NUP42: variants seen among roughly 807,000 people sequenced by gnomAD.
NUP42 encodes the protein nucleoporin 42.
Under a neutral mutation model 35.9 loss-of-function variants are expected in NUP42, and 47 were observed. The observed-to-expected ratio is 1.31, with a 90% confidence interval of 1.04 to 1.67. The LOEUF (loss-of-function observed/expected upper bound fraction) is 1.67. Among genes scored for constraint, NUP42 ranks in the 40% most tolerant of loss-of-function variants. NUP42 has a pLI of 0.00. For missense variants in NUP42, 514 were observed against 492.2 expected, an observed-to-expected ratio of 1.04 and a Z score of -0.42; for synonymous variants, 173 against 173.3, an observed-to-expected ratio of 1.00 and a Z score of 0.01.
At chr7:23,196,875 T>C in intron 5 of NUP42, 109 bp downstream of exon 5, 1 of 723,064 alleles carries the variant, frequency 1.4e-6, no homozygotes. Flanking sequence ...TATCAAGAAT[T>C]ATGATACACA....
rs752409597 is a variant in NUP42 at position 23,200,272 on chromosome 7, A to T, written c.799A>T (p.Ser267Cys). The T allele has an allele frequency of 4.4e-6, 7 of 1,603,146 alleles. No homozygotes were observed. The South Asian group carries it at 7.8e-5, about 18-fold the overall frequency. The part of the protein sequence containing the change: ...ASSGSPAGFG[S>C]SPAFGAAAST... The stretch of plus-strand genomic sequence containing the variant: ...TTCTGGAAGCCCTGCTGGTTTTGGG[A>T]GTTCCCCAGCATTTGGAGCTGCAGC... The change falls in exon 7 of 7, where the codon AGT becomes TGT. Residue 267 changes from serine to cysteine, a missense_variant. Ser to Cys is a moderately radical substitution (Grantham distance 112, BLOSUM62 -1). Transcript: ENST00000258742.
rs771174577 is a variant in NUP42 at position 23,182,194 on chromosome 7, C to A, written c.109C>A (p.Gln37Lys). 1.9e-6 allele frequency: 3 copies of A among 1,610,776 alleles called. No individual in the cohort carries two copies. The highest frequency in any genetic ancestry group is 2.5e-6 in the Non-Finnish European group (3 of 1,178,470). The change falls in exon 1 of 7, where the codon CAG becomes AAG. Residue 37 changes from glutamine to lysine, a missense_variant. Coordinates refer to ENST00000258742, the MANE Select transcript of NUP42 (RefSeq NM_007342.3). ...GAGGGRQQPQ[Q>K]QPSGNNRRGW... is the part of the protein sequence containing the mutation. ...AGGAGGAGGACGGCAGCAACCGCAG[C>A]AGCAGCCTTCAGGTGACTCTCCTCT...
At chr7:23,196,524 A>G (rs1583776850) in intron 4 of NUP42, 156 bp from the exon 5 acceptor site, 1 of 579,964 alleles carries the variant, frequency 1.7e-6, no homozygotes, top group African/African-American at 1.9e-5. Context: ...TCTTTGACAA[A>G]TAGGCCAAGT....
chr7:23,195,362 T>G (rs1728326), intron 3 of NUP42: 14,298 of 152,356 alleles, frequency 0.094, 965 homozygotes, highest in African/African-American at 0.18. Flanking sequence ...TTGATTTTTT[T>G]TGTGTGTGAA....
At chr7:23,198,202 A>ATTTTTTTTTTTTTT (rs1554296929) in intron 5 of NUP42, 2 of 107,180 alleles carry the variant, frequency 1.9e-5, no homozygotes, top group African/African-American at 9.5e-5. Flanking sequence ...AAACAAAAGC[A>ATTTTTTTTTTTTTT]TTCTTTTTTT....
At chr7:23,186,573 ATAT>A (rs1785603789) in intron 2 of NUP42, among the ~76,000 whole-genome samples, 2 of 152,226 alleles carry the variant, frequency 1.3e-5, no homozygotes, top group Non-Finnish European at 2.9e-5. Context: ...CACTTTTAAA[ATAT>A]TATGATTCTG....
At chr7:23,191,511 A>G (rs1401228347) in intron 3 of NUP42, among the ~76,000 whole-genome samples, 1 of 152,142 alleles carries the variant, frequency 6.6e-6, no homozygotes, top group Non-Finnish European at 1.5e-5. Flanking sequence ...TTTTGGCCTG[A>G]GAGGTCAGTA....
chr7:23,188,092 G>A lies in NUP42; in HGVS notation c.445+946G>A, dbSNP rs1187098040. On this transcript the variant is annotated intron_variant, in intron 3 of 6. Transcript: ENST00000258742. ...CCGGGCTTTCCCAAGCCCACTCTGG[G>A]TGTTCCTGGGCCTCCGTCCTTTTGA... 9.8e-6 allele frequency: 14 copies of A among 1,426,398 alleles called. No individual in the cohort carries two copies. The Admixed American group carries it at 3.7e-4, about 38-fold the overall frequency. 88.4% of individuals were successfully genotyped at this position (1,426,398 alleles called of 1,614,324 possible). A position where few individuals can be genotyped will look rare whatever the true frequency, so the allele number is the denominator to read the frequency against.
In NUP42 at chr7:23,200,482, G is replaced by C; in HGVS notation, c.1009G>C (p.Gly337Arg). ...CAGAGCTCCAGTGGCCCCAGCCTTT[G>C]GAGGTGGCAGTTCTGTGGCTGGTTT... ...PVRAPVAPAF[G>R]GGSSVAGFGS... Residue 337 changes from glycine to arginine, a missense_variant, in exon 7 of 7, where the codon GGA (glycine) becomes CGA (arginine). Transcript: ENST00000258742. The C allele has an allele frequency of 6.2e-7, 1 of 1,614,170 alleles. No individual in the cohort carries two copies.
At chr7:23,195,047 G>GAAC (rs1211820639) in intron 3 of NUP42, 1 of 152,196 alleles carries the variant, frequency 6.6e-6, no homozygotes, top group African/African-American at 2.4e-5. Flanking sequence ...ATATTAGAAT[G>GAAC]AACACCCTTA....
At chr7:23,186,649 C>T (rs2128472735) in intron 2 of NUP42, among the ~76,000 whole-genome samples, 1 of 152,090 alleles carries the variant, frequency 6.6e-6, no homozygotes, top group Non-Finnish European at 1.5e-5. Flanking sequence ...TGATAATTAA[C>T]AAAGATTAAA....
At chr7:23,193,464 A>G (rs1015699002) in intron 3 of NUP42, among the ~76,000 whole-genome samples, 11 of 151,992 alleles carry the variant, frequency 7.2e-5, no homozygotes, top group African/African-American at 2.7e-4. Context: ...TGTGGACACA[A>G]AGGTTCTCCA....
intron 1 of NUP42, among the ~76,000 whole-genome samples, chr7:23,184,482 T>G (rs1485736735): frequency 6.6e-6 from 1 of 152,218 alleles, no homozygotes; most frequent in Non-Finnish European, 1.5e-5. Flanking sequence ...TTTAATAAGC[T>G]TTGTCAGCTG....
At position 23,195,846 on chromosome 7, in the gene NUP42, A is replaced by C. The variant is rs1785993537; in HGVS notation, c.453A>C (p.Thr151=). 6.3e-7 allele frequency: 1 copy of C among 1,597,356 alleles called. No homozygotes were observed. Residue 151 remains threonine, a synonymous_variant, in exon 4 of 7, where the codon ACA becomes ACC. Coordinates refer to ENST00000258742, the MANE Select transcript of NUP42 (RefSeq NM_007342.3). ...ATTGATTCCTCACTTCAGGTTTTAC[A>C]GACATTTCACCAGAGGAATTGAGGC... The part of the protein sequence containing the change: ...VKKKPNISGF[T]DISPEELRLE...
In NUP42 at chr7:23,196,750, C is replaced by A; in HGVS notation, c.593C>A (p.Ser198Ter). ...RVNELKSLNI[S>*]TKVALLSDVK... ...AATGAACTGAAAAGTCTAAATATAT[C>A]AACTAAAGTAGCTTTGGTGAGTATG... The change falls in exon 5 of 7, where the codon TCA (serine) becomes TAA (stop). Residue 198 changes from serine to a stop codon, truncating the protein, a stop_gained. Coordinates refer to ENST00000258742, the MANE Select transcript of NUP42 (RefSeq NM_007342.3). LOFTEE classifies it high-confidence loss of function. The A allele has an allele frequency of 6.2e-7, 1 of 1,606,320 alleles. No homozygotes were observed. The highest frequency in any genetic ancestry group is 1.1e-5 in the South Asian group (1 of 90,832).
intron 3 of NUP42, chr7:23,187,932 CT>C: frequency 2.5e-6 from 1 of 406,608 alleles, no homozygotes. Flanking sequence ...TTAGAATATT[CT>C]CTGTCTCTCT....
chr7:23,182,909 CAAAA>C (rs572917944), intron 1 of NUP42, among the ~76,000 whole-genome samples: 6 of 96,778 alleles, frequency 6.2e-5, no homozygotes, highest in Admixed American at 3.3e-4. Context: ...GCGAGACTAT[CAAAA>C]AAAAAAAAAG....
At chr7:23,184,946 C>A in intron 1 of NUP42, 124 bp from the exon 2 acceptor site, 1 of 750,992 alleles carries the variant, frequency 1.3e-6, no homozygotes, top group Non-Finnish European at 2.1e-6. Context: ...GTTGAGGTTA[C>A]AGTGAGCCAA....
chr7:23,193,006 G>A (rs1462259294), intron 3 of NUP42, among the ~76,000 whole-genome samples: 1 of 152,026 alleles, frequency 6.6e-6, no homozygotes, highest in Admixed American at 6.6e-5. Flanking sequence ...CTTCTGGTGG[G>A]GTCCGTGGTC....
Sources: gnomAD v4.1 joint callset for allele counts (sites outside exome capture counted in the v4.1 genomes callset) on GRCh38, gnomAD v4.1.1 for gene constraint, MANE v1.5 for transcripts, NCBI Gene and HGNC (gene_info 2026-07-23, HGNC 2026-07-21) for gene names.